Variants in IQCF5 observed in about 807,000 individuals in gnomAD.
IQCF5 encodes IQ domain-containing protein F5.
IQCF5 carries 2 observed loss-of-function variants against 3.4 expected under a neutral mutation model. The ratio of observed to expected loss-of-function variants is 0.58; its 90% CI spans 0.24 to 1.84. The LOEUF is 1.84. IQCF5 is among the 40% of genes most tolerant of loss of function. IQCF5 has a pLI of 0.17. For synonymous variants in IQCF5, 58 were observed against 64.7 expected (o/e 0.90, Z 0.49); for missense variants, 167 against 191.6 (o/e 0.87, Z 0.76).
intron 1 of IQCF5, 57 bp from the exon 2 acceptor site, chr3:51,874,232 A>T: frequency 1.3e-6 from 2 of 1,486,632 alleles, no homozygotes; most frequent in Non-Finnish European, 1.8e-6. Context: ...CTGATCCTCT[A>T]TCAATGATGG....
chr3:51,874,311 C>T (rs1383580134), intron 1 of IQCF5, 136 bp from the exon 2 acceptor site: 4 of 832,754 alleles, frequency 4.8e-6, no homozygotes, highest in Admixed American at 2.0e-5. Context: ...AGGTGTCCCC[C>T]CTCTGCCACC....
At chr3:51,874,464 T>G in intron 1 of IQCF5, 1 of 595,148 alleles carries the variant, frequency 1.7e-6, no homozygotes, top group Non-Finnish European at 3.2e-6. Flanking sequence ...ACACTGTGAC[T>G]TAGAGGTAAA....
Position 51,874,159 on chromosome 3 carries a change from G to C in IQCF5, c.21C>G (p.Thr7=). The C allele has an allele frequency of 6.4e-7, 1 of 1,551,358 alleles. No homozygotes were observed. Among genetic ancestry groups the C allele is most frequent in the Non-Finnish European group, 8.7e-7 (1 of 1,146,624 alleles). The change falls in exon 2 of 2, where the codon ACC becomes ACG. Residue 7 remains threonine (T), a synonymous_variant. Transcript: ENST00000446461. The part of the protein sequence containing the change: MGPEEK[T]IMTERSAAVF... Reference sequence around the variant, plus strand: ...CAGCTGCAGACCTTTCTGTCATGATGGTCTTCTCTTCTGGGCCTTACAAGA... The same window carrying C: ...CAGCTGCAGACCTTTCTGTCATGATCGTCTTCTCTTCTGGGCCTTACAAGA...
At chr3:51,875,274 T>TG in intron 1 of IQCF5, 1 of 560,222 alleles carries the variant, frequency 1.8e-6, no homozygotes. Context: ...TCAGAGTGTA[T>TG]GGGGGGAAAT....
chr3:51,873,833 T>C lies in IQCF5; in HGVS notation c.347A>G (p.Tyr116Cys), dbSNP rs1224980371. The stretch of plus-strand genomic sequence containing the variant: ...ATTAAGTTGGTTTTCTTTGAGTTCA[T>C]AGTGGCCCTCAATAAAGACACGGGA... ...CHSRVFIEGH[Y>C]ELKENQLNIQ... is the part of the protein sequence containing the mutation. The change falls in exon 2 of 2, where the codon TAT becomes TGT. Residue 116 changes from tyrosine to cysteine, a missense_variant. Transcript: ENST00000446461. 1.9e-6 allele frequency: 3 copies of C among 1,551,730 alleles called. No individual in the cohort carries two copies. Among genetic ancestry groups the C allele is most frequent in the Middle Eastern group, 1.7e-4 (1 of 5,992 alleles).
At chr3:51,875,106 C>T (rs973297908) in intron 1 of IQCF5, 4 of 217,752 alleles carry the variant, frequency 1.8e-5, no homozygotes, top group South Asian at 1.7e-4. Flanking sequence ...CAGCCACTCA[C>T]GGAGTTGTGG....
Position 51,875,230 on chromosome 3 carries a change from T to C in IQCF5, c.4+298A>G, listed in dbSNP as rs1698783466. On this transcript the variant is annotated intron_variant, in intron 1 of 1. Transcript: ENST00000446461. ...GATGTGATTTCATCATTATGTTTAA[T>C]GATCATTTAAAACAGCTTGCCATCC... 3 of 428,516 alleles carry C rather than the reference T, an allele frequency of 7.0e-6. No homozygotes were observed. In the South Asian group the frequency reaches 7.7e-5, roughly 11 times the overall value. The allele number at this position is 428,516 out of a possible 1,614,324, so 26.5% of individuals were successfully genotyped here. A position where few individuals can be genotyped will look rare whatever the true frequency, so the allele number is the denominator to read the frequency against.
At chr3:51,875,280 G>C (rs948884122) in intron 1 of IQCF5, 3 of 571,604 alleles carry the variant, frequency 5.2e-6, no homozygotes, top group Non-Finnish European at 9.4e-6. Flanking sequence ...TGTATGGGGG[G>C]AAATAGGGAA....
In IQCF5 at chr3:51,873,984, G is replaced by A; in HGVS notation, c.196C>T (p.Gln66Ter). 1.3e-6 allele frequency: 2 copies of A among 1,552,246 alleles called. No homozygotes were observed. Among genetic ancestry groups the A allele is most frequent in the East Asian group, 4.9e-5 (2 of 40,950 alleles). The change falls in exon 2 of 2, where the codon CAG (glutamine) becomes TAG (stop). Residue 66 changes from glutamine to a stop codon, truncating the protein, a stop_gained. Coordinates refer to ENST00000446461, the MANE Select transcript of IQCF5 (RefSeq NM_001145059.2). LOFTEE classifies it low-confidence loss of function (END_TRUNC). ...AGCCTGACTGCTGCCCATTCCTGCT[G>A]CACATAGAACTCCAACACCATCCTC... ...RRRMVLEFYV[Q>*]QEWAAVRLQS...
intron 1 of IQCF5, chr3:51,875,236 T>C (rs1057309136): frequency 4.7e-6 from 2 of 428,086 alleles, no homozygotes; most frequent in Non-Finnish European, 8.7e-6. Context: ...TTAATGATCA[T>C]TTAAAACAGC....
rs1335366375 is a variant in IQCF5 at position 51,873,944 on chromosome 3, C to T, written c.236G>A (p.Arg79His). 7 of 1,551,894 alleles carry T rather than the reference C, an allele frequency of 4.5e-6. No individual in the cohort carries two copies. The highest frequency in any genetic ancestry group is 2.4e-5 in the East Asian group (1 of 40,926). The change falls in exon 2 of 2, where the codon CGC becomes CAC. Residue 79 changes from arginine (R) to histidine (H), a missense_variant. Arg to His is a conservative substitution (Grantham distance 29, BLOSUM62 0). Transcript: ENST00000446461. ...WAAVRLQSWV[R>H]MWCVRQRYCR... is the part of the protein sequence containing the mutation. The stretch of plus-strand genomic sequence containing the variant: ...GTAACGCTGGCGGACACACCACATG[C>T]GGACCCAGGACTGCAGCCTGACTGC...
intron 1 of IQCF5, 61 bp from the exon 2 acceptor site, chr3:51,874,236 A>G (rs1698773127): frequency 2.0e-6 from 3 of 1,479,672 alleles, no homozygotes; most frequent in Admixed American, 2.0e-5. Flanking sequence ...TCCTCTATCA[A>G]TGATGGCTCC....
chr3:51,875,191 A>C, intron 1 of IQCF5: 1 of 316,150 alleles, frequency 3.2e-6, no homozygotes, highest in Non-Finnish European at 6.1e-6. Context: ...TGTTCCTTCC[A>C]GCTCTGTTCT....
At chr3:51,875,218 C>A in intron 1 of IQCF5, 2 of 361,724 alleles carry the variant, frequency 5.5e-6, no homozygotes, top group Non-Finnish European at 1.1e-5. Flanking sequence ...GTGATTTCAT[C>A]ATTATGTTTA....
chr3:51,874,643 T>G, intron 1 of IQCF5: 2 of 361,648 alleles, frequency 5.5e-6, no homozygotes, highest in South Asian at 4.2e-5. Context: ...TTCCTCCACC[T>G]CACACACATT....
chr3:51,875,541 C>T lies in IQCF5; in HGVS notation c.-10G>A. 6.4e-7 allele frequency: 1 copy of T among 1,552,086 alleles called. No homozygotes were observed. The highest frequency in any genetic ancestry group is 1.4e-5 in the African/African-American group (1 of 73,140). Reference sequence around the variant, plus strand: ...TTACTAAATTACCCATGGTTAGGGGCTAGATGGTCCCATCACCCTCCGGCC... The same window carrying T: ...TTACTAAATTACCCATGGTTAGGGGTTAGATGGTCCCATCACCCTCCGGCC... On this transcript the variant is annotated 5_prime_UTR_variant, in exon 1 of 2. Coordinates refer to ENST00000446461, the MANE Select transcript of IQCF5 (RefSeq NM_001145059.2).
In IQCF5 at chr3:51,874,145, C is replaced by G; in HGVS notation, c.35G>C (p.Arg12Thr). ...GPEEKTIMTE[R>T]SAAVFIQAWW... ...GGCCTGGATGAAAACAGCTGCAGAC[C>G]TTTCTGTCATGATGGTCTTCTCTTC... Residue 12 changes from arginine to threonine, a missense_variant, in exon 2 of 2, where the codon AGG (arginine) becomes ACG (threonine). Physicochemically the swap from Arg to Thr is moderately conservative, Grantham distance 71. Coordinates refer to ENST00000446461, the MANE Select transcript of IQCF5 (RefSeq NM_001145059.2). The G allele has an allele frequency of 6.4e-7, 1 of 1,551,884 alleles. No individual in the cohort carries two copies. Among genetic ancestry groups the G allele is most frequent in the Non-Finnish European group, 8.7e-7 (1 of 1,146,934 alleles).
In IQCF5 at chr3:51,875,578, G is replaced by A. The variant is rs1050369604; in HGVS notation, c.-47C>T. 1.0e-5 allele frequency: 16 copies of A among 1,550,896 alleles called. No homozygotes were observed. Among genetic ancestry groups the A allele is most frequent in the Admixed American group, 3.9e-5 (2 of 50,982 alleles). ...ATCACCCTCCGGCCCGCACTCCTCC[G>A]ATCAGGACTCCAACAGGAAGAGTGG... On this transcript the variant is annotated 5_prime_UTR_variant, in exon 1 of 2. Coordinates refer to ENST00000446461, the MANE Select transcript of IQCF5 (RefSeq NM_001145059.2).
At chr3:51,874,433 G>C (rs554537937) in intron 1 of IQCF5, 1 of 651,408 alleles carries the variant, frequency 1.5e-6, no homozygotes, top group Non-Finnish European at 2.8e-6. Context: ...CATGGACCTT[G>C]CTGGCCAGTC....
Sources: allele counts gnomAD v4.1 joint callset, GRCh38; gene constraint gnomAD v4.1.1; transcripts MANE v1.5; gene names NCBI Gene and HGNC (gene_info 2026-07-23, HGNC 2026-07-21).